C12orf42: variants seen among roughly 807,000 people sequenced by gnomAD.
C12orf42 encodes the protein uncharacterized protein C12orf42.
In C12orf42, 25 loss-of-function variants were observed where a neutral mutation model predicts 21.6. The observed-to-expected ratio is 1.16, with a 90% CI of 0.84 to 1.62. The LOEUF (loss-of-function observed/expected upper bound fraction) is 1.62, where lower values mean the gene tolerates loss of function less well. C12orf42 is among the 40% of genes most tolerant of loss of function. The pLI is 0.00. For synonymous variants in C12orf42, 174 were observed against 175.0 expected (o/e 0.99, Z 0.05); for missense variants, 483 against 459.3 (o/e 1.05, Z -0.47).
chr12:103,327,331 A>G (rs1332312091), intron 4 of C12orf42, among the ~76,000 whole-genome samples: 1 of 152,230 alleles, frequency 6.6e-6, no homozygotes, highest in Non-Finnish European at 1.5e-5. Context: ...AATTTAACAA[A>G]TAAAACTATA....
chr12:103,330,161 ATTAT>A (rs2041115736), intron 4 of C12orf42, among the ~76,000 whole-genome samples: 3 of 152,118 alleles, frequency 2.0e-5, no homozygotes, highest in African/African-American at 4.8e-5. Flanking sequence ...GACAGCAAGC[ATTAT>A]TTATTATTTT....
At position 103,301,986 on chromosome 12, in the gene C12orf42, T is replaced by G. The variant is rs1334340409; in HGVS notation, c.*122A>C. ...TGACATTATTTATTAGGTTCAAAAA[T>G]GCTTCACAAAAGCCTAACAATGGTT... On this transcript the variant is annotated 3_prime_UTR_variant, in exon 6 of 6. Transcript: ENST00000548883. 8.9e-7 allele frequency: 1 copy of G among 1,122,372 alleles called. No homozygotes were observed. The highest frequency in any genetic ancestry group is 1.6e-5 in the African/African-American group (1 of 63,596). The allele number at this position is 1,122,372 out of a possible 1,614,324, so 69.5% of individuals were successfully genotyped here. A position where few individuals can be genotyped will look rare whatever the true frequency, so the allele number is the denominator to read the frequency against.
rs755540458 is a variant in C12orf42, at chr12:103,302,208, A to G, written c.983T>C (p.Ile328Thr). 8.1e-6 allele frequency: 13 copies of G among 1,612,486 alleles called. No homozygotes were observed. The East Asian group carries it at 2.9e-4, about 36-fold the overall frequency. The change falls in exon 6 of 6, where the codon ATA becomes ACA. Residue 328 changes from isoleucine to threonine, a missense_variant. By Grantham distance (89) the Ile-to-Thr change is moderately conservative (BLOSUM62 -1). Transcript: ENST00000548883. Reference protein sequence around the residue: ...ASTHFPSKRLIKVCSSAPPRP... With the variant: ...ASTHFPSKRLTKVCSSAPPRP... The stretch of plus-strand genomic sequence containing the variant: ...GGGGGGTGCTGAGGAGCAAACCTTT[A>G]TTAACCTCTTGGAGGGGAAATGGGT...
the C12orf42 span, among the ~76,000 whole-genome samples, chr12:103,200,892 G>T: frequency 6.6e-6 from 1 of 152,048 alleles, no homozygotes; most frequent in Non-Finnish European, 1.5e-5. Flanking sequence ...ACACATTTTT[G>T]CCAATGAGAA....
At chr12:103,049,339 C>T in the C12orf42 span, among the ~76,000 whole-genome samples, 3 of 152,276 alleles carry the variant, frequency 2.0e-5, no homozygotes, top group East Asian at 3.9e-4. Context: ...CTCTTAAACG[C>T]CACTGCTGAT....
intron 2 of C12orf42, among the ~76,000 whole-genome samples, chr12:103,474,578 C>G (rs1002766789): frequency 1.4e-5 from 2 of 147,970 alleles, no homozygotes; most frequent in African/African-American, 4.9e-5. Flanking sequence ...TCTAAAGAAC[C>G]ATGATAAGTT....
chr12:103,534,566 C>T, the C12orf42 span, among the ~76,000 whole-genome samples: 1 of 152,134 alleles, frequency 6.6e-6, no homozygotes, highest in Non-Finnish European at 1.5e-5. Context: ...TTACTATGCC[C>T]TTGTCACTGT....
chr12:103,342,245 C>T (rs150086789), intron 4 of C12orf42, among the ~76,000 whole-genome samples: 58 of 152,224 alleles, frequency 3.8e-4, no homozygotes, highest in African/African-American at 1.3e-3. Flanking sequence ...AACCTTTTAA[C>T]AAAATTTTCT....
At chr12:103,500,058 AATG>A (rs1955681234), upstream of C12orf42, among the ~76,000 whole-genome samples, 1 of 152,226 alleles carries the variant, frequency 6.6e-6, no homozygotes, top group Non-Finnish European at 1.5e-5. Flanking sequence ...TATCTTTTTA[AATG>A]ATAATATATT....
the C12orf42 span, among the ~76,000 whole-genome samples, chr12:103,051,656 G>A: frequency 6.0e-4 from 91 of 152,310 alleles, no homozygotes; most frequent in South Asian, 1.4e-3. Flanking sequence ...GACCATGGGT[G>A]TCAGACCAGG....
the C12orf42 span, among the ~76,000 whole-genome samples, chr12:103,555,706 T>C: frequency 6.6e-6 from 1 of 152,036 alleles, no homozygotes; most frequent in Non-Finnish European, 1.5e-5. Flanking sequence ...CCCCAAGTGT[T>C]TGTATGCACA....
At chr12:103,341,977 G>A (rs2042209467) in intron 4 of C12orf42, among the ~76,000 whole-genome samples, 1 of 152,096 alleles carries the variant, frequency 6.6e-6, no homozygotes, top group East Asian at 1.9e-4. Context: ...TCTATGTATA[G>A]CTTATGTGTC....
chr12:103,254,155 A>G (rs1229322525), intron 10 of C12orf42, among the ~76,000 whole-genome samples: 1 of 152,132 alleles, frequency 6.6e-6, no homozygotes, highest in Non-Finnish European at 1.5e-5. Flanking sequence ...ATTTTTGTAT[A>G]AGGTGTAAGA....
the C12orf42 span, among the ~76,000 whole-genome samples, chr12:103,175,768 A>G: frequency 1.3e-5 from 2 of 152,188 alleles, no homozygotes; most frequent in African/African-American, 4.8e-5. Flanking sequence ...CTGCCCTGGA[A>G]TATTTTCTTA....
chr12:103,454,354 A>T (rs866167445), intron 2 of C12orf42, among the ~76,000 whole-genome samples: 1 of 152,110 alleles, frequency 6.6e-6, no homozygotes, highest in African/African-American at 2.4e-5. Context: ...TACTAATCAA[A>T]ATTCATGATA....
chr12:103,322,036 C>A (rs2040188144), intron 4 of C12orf42, among the ~76,000 whole-genome samples: 2 of 151,604 alleles, frequency 1.3e-5, no homozygotes, highest in Admixed American at 1.3e-4. Flanking sequence ...AAAAAAATTT[C>A]TGGTTGGCAA....
chr12:103,350,067 CA>C (rs1208613324), intron 4 of C12orf42, among the ~76,000 whole-genome samples: 1 of 151,874 alleles, frequency 6.6e-6, no homozygotes, highest in Non-Finnish European at 1.5e-5. Context: ...AGATAATGAC[CA>C]AATTTAGGAA....
At chr12:103,449,200 G>C (rs1254957655) in intron 2 of C12orf42, among the ~76,000 whole-genome samples, 1 of 152,008 alleles carries the variant, frequency 6.6e-6, no homozygotes, top group African/African-American at 2.4e-5. Context: ...AACCTGGATG[G>C]AATCAGAGAC....
chr12:103,311,309 A>G (rs2038951516), intron 4 of C12orf42, among the ~76,000 whole-genome samples: 1 of 151,720 alleles, frequency 6.6e-6, no homozygotes, highest in African/African-American at 2.4e-5. Flanking sequence ...TTATTCAATC[A>G]ATATTTATAG....
Sources: gnomAD v4.1 joint callset for allele counts (sites outside exome capture counted in the v4.1 genomes callset) on GRCh38, gnomAD v4.1.1 for gene constraint, MANE v1.5 for transcripts, NCBI Gene and HGNC (gene_info 2026-07-23, HGNC 2026-07-21) for gene names.